Variants in QTRT2 observed in about 807,000 individuals in gnomAD.
The protein encoded by QTRT2 is queuine tRNA-ribosyltransferase accessory subunit 2.
In QTRT2, 32 loss-of-function variants were observed where a neutral mutation model predicts 44.8. The observed-to-expected ratio is 0.71, with a 90% CI of 0.54 to 0.96. QTRT2 has a LOEUF of 0.96. Among genes scored for constraint, QTRT2 ranks in the 40% least tolerant of loss-of-function variants. The pLI is 0.00. For missense variants in QTRT2, 461 were observed against 503.1 expected (o/e 0.92, Z 0.80); for synonymous variants, 182 against 187.4 (o/e 0.97, Z 0.24).
At chr3:114,065,115 A>T in intron 2 of QTRT2, 122 bp from the exon 3 acceptor site, 1 of 656,670 alleles carries the variant, frequency 1.5e-6, no homozygotes, top group Non-Finnish European at 2.7e-6. Context: ...GAAAATATTT[A>T]GACTGGAAGC....
chr3:114,058,760 A>G (rs1318506861), intron 2 of QTRT2, among the ~76,000 whole-genome samples: 1 of 151,992 alleles, frequency 6.6e-6, no homozygotes, highest in Admixed American at 6.6e-5. Context: ...CGAACTCCTG[A>G]CCTTAGGTGT....
chr3:114,075,352 G>A (rs746714066), intron 6 of QTRT2, among the ~76,000 whole-genome samples: 2 of 152,114 alleles, frequency 1.3e-5, no homozygotes, highest in South Asian at 2.1e-4. Context: ...TCATATTTAC[G>A]TATTGTACCT....
At chr3:114,063,039 C>T (rs1055171840) in intron 2 of QTRT2, among the ~76,000 whole-genome samples, 8 of 152,148 alleles carry the variant, frequency 5.3e-5, no homozygotes, top group African/African-American at 1.4e-4. Context: ...CGTTCTCAGA[C>T]GTATGTGATA....
At position 114,065,224 on chromosome 3, in the gene QTRT2, C is replaced by CT; in HGVS notation, c.-21-9dup. ...TGAAGCTCCTTCTATACTTAATGCTCTTTTCTTGACAGGACCTAGAAGAAT... is the reference window on the plus strand; with the variant it reads ...TGAAGCTCCTTCTATACTTAATGCTCTTTTTCTTGACAGGACCTAGAAGAAT... On this transcript the variant is annotated splice_polypyrimidine_tract_variant and intron_variant, in intron 2 of 9. Coordinates refer to ENST00000281273, the MANE Select transcript of QTRT2 (RefSeq NM_024638.4). The CT allele has an allele frequency of 1.3e-5, 21 of 1,600,648 alleles. No individual in the cohort carries two copies. Among genetic ancestry groups the CT allele is most frequent in the Non-Finnish European group, 1.8e-5 (21 of 1,170,156 alleles).
At chr3:114,067,939 C>A in intron 4 of QTRT2, 48 bp from the exon 5 acceptor site, 1 of 1,532,132 alleles carries the variant, frequency 6.5e-7, no homozygotes, top group South Asian at 1.1e-5. Context: ...AATACAGTGT[C>A]ATTGTTGATG....
intron 7 of QTRT2, chr3:114,078,744 A>T (rs1254816874): frequency 6.6e-6 from 1 of 152,210 alleles, no homozygotes; most frequent in Non-Finnish European, 1.5e-5. Flanking sequence ...GAAAGTCCAA[A>T]ATCCAAAATT....
At position 114,086,944 on chromosome 3, in the gene QTRT2, C is replaced by T. The variant is rs1393938145; in HGVS notation, c.*1040C>T. On this transcript the variant is annotated 3_prime_UTR_variant, in exon 10 of 10. Coordinates refer to ENST00000281273, the MANE Select transcript of QTRT2 (RefSeq NM_024638.4). ...TAGCCTTAATAGCCCTAGTTGTCAT[C>T]CTGGGAGACAGGCAACAGTAGAGAT... is the stretch of plus-strand genomic sequence containing the variant. 1 of 152,192 alleles carries T rather than the reference C, an allele frequency of 6.6e-6. No individual in the cohort carries two copies. The highest frequency in any genetic ancestry group is 1.5e-5 in the Non-Finnish European group (1 of 68,050). The allele number at this position is 152,192 out of a possible 1,614,324, so 9.4% of individuals were successfully genotyped here.
chr3:114,070,904 C>T (rs2077016715), intron 6 of QTRT2, 66 bp downstream of exon 6: 6 of 1,276,890 alleles, frequency 4.7e-6, no homozygotes, highest in Non-Finnish European at 3.4e-6. Context: ...TCTGTGATAC[C>T]ACCTTTTCTG....
At chr3:114,084,152 T>C (rs1225831776) in intron 9 of QTRT2, among the ~76,000 whole-genome samples, 1 of 150,192 alleles carries the variant, frequency 6.7e-6, no homozygotes, top group Admixed American at 6.7e-5. Context: ...AACCTCCGCC[T>C]CCTGGGTTCA....
intron 9 of QTRT2, among the ~76,000 whole-genome samples, chr3:114,085,153 G>A (rs745908966): frequency 3.9e-5 from 6 of 152,138 alleles, no homozygotes; most frequent in Non-Finnish European, 7.3e-5. Flanking sequence ...CTCGGAGTTT[G>A]CATCAGTCAG....
intron 2 of QTRT2, among the ~76,000 whole-genome samples, chr3:114,059,689 ATTCATCCC>A (rs2076857132): frequency 6.6e-6 from 1 of 152,208 alleles, no homozygotes. Flanking sequence ...AAATATTTGC[ATTCATCCC>A]CACAAAACAG....
chr3:114,064,081 G>A (rs761433648), intron 2 of QTRT2, among the ~76,000 whole-genome samples: 8 of 152,112 alleles, frequency 5.3e-5, no homozygotes, highest in South Asian at 2.1e-4. Flanking sequence ...TGGGCATGGC[G>A]GCACACACCT....
chr3:114,067,433 A>G (rs1168144001), intron 4 of QTRT2, among the ~76,000 whole-genome samples: 1 of 152,202 alleles, frequency 6.6e-6, no homozygotes, highest in Non-Finnish European at 1.5e-5. Flanking sequence ...CATTTTTTAA[A>G]AAATGATTGT....
chr3:114,079,883 T>C (rs2077142979), intron 7 of QTRT2, 23 bp from the exon 8 acceptor site: 1 of 1,610,312 alleles, frequency 6.2e-7, no homozygotes, highest in Non-Finnish European at 8.5e-7. Context: ...CTCATGTCAC[T>C]GTTCTTATTC....
intron 5 of QTRT2, among the ~76,000 whole-genome samples, chr3:114,069,240 C>A (rs930460755): frequency 1.3e-5 from 2 of 151,598 alleles, no homozygotes; most frequent in African/African-American, 4.8e-5. Flanking sequence ...TTTTTTTTTC[C>A]CTTTTTTTAA....
chr3:114,079,085 C>G (rs1275737038), intron 7 of QTRT2: 3 of 152,044 alleles, frequency 2.0e-5, no homozygotes, highest in Admixed American at 2.0e-4. Flanking sequence ...AATATTTCAG[C>G]AAGAAATAAA....
At chr3:114,066,758 T>G (rs2076959206) in intron 4 of QTRT2, among the ~76,000 whole-genome samples, 1 of 152,008 alleles carries the variant, frequency 6.6e-6, no homozygotes, top group Non-Finnish European at 1.5e-5. Context: ...CCCAGACAGG[T>G]GTGGGGCAGA....
At position 114,086,183 on chromosome 3, in the gene QTRT2, A is replaced by G. The variant is rs1231489309; in HGVS notation, c.*279A>G. On this transcript the variant is annotated 3_prime_UTR_variant, in exon 10 of 10. Coordinates refer to ENST00000281273, the MANE Select transcript of QTRT2 (RefSeq NM_024638.4). ...ATAGAGATTCATTTAGTCAAAGACA[A>G]AAGCTTTAACTGTGAGGGCACAGCC... The G allele has an allele frequency of 2.6e-6, 1 of 379,634 alleles. No individual in the cohort carries two copies. The highest frequency in any genetic ancestry group is 5.0e-6 in the Non-Finnish European group (1 of 199,592). 23.5% of individuals were successfully genotyped at this position (379,634 alleles called of 1,614,324 possible). A position where few individuals can be genotyped will look rare whatever the true frequency, so the allele number is the denominator to read the frequency against.
In QTRT2 at chr3:114,056,843, G is replaced by C; in HGVS notation, c.-151G>C. The C allele has an allele frequency of 6.5e-7, 1 of 1,535,908 alleles. No homozygotes were observed. The highest frequency in any genetic ancestry group is 8.7e-7 in the Non-Finnish European group (1 of 1,146,774). On this transcript the variant is annotated 5_prime_UTR_variant, in exon 1 of 10. Transcript: ENST00000281273. ...AGTTTGAGGGGTCTGAAGACTGAAA[G>C]AGTCGAATGGTTTGTTGGCAGGTAA... is the stretch of plus-strand genomic sequence containing the variant.
Sources: gnomAD v4.1 joint callset for allele counts (sites outside exome capture counted in the v4.1 genomes callset) on GRCh38, gnomAD v4.1.1 for gene constraint, MANE v1.5 for transcripts, NCBI Gene and HGNC (gene_info 2026-07-23, HGNC 2026-07-21) for gene names.